PLEKHG2: variants seen among roughly 807,000 people sequenced by gnomAD.
PLEKHG2 encodes pleckstrin homology domain-containing family G member 2.
In PLEKHG2, 71 loss-of-function variants were observed where a neutral mutation model predicts 104.4. That is an observed-to-expected ratio of 0.68 (90% CI 0.56 to 0.83). The LOEUF is 0.83. Among genes scored for constraint, PLEKHG2 ranks in the 40% least tolerant of loss-of-function variants. The pLI, the probability that PLEKHG2 is intolerant of heterozygous loss-of-function variation, is 0.00. For synonymous variants in PLEKHG2, 728 were observed against 737.0 expected (o/e 0.99, Z 0.20); for missense variants, 1,730 against 1,809.4 (o/e 0.96, Z 0.80).
chr19:39,414,535 G>A (rs1024131805), intron 2 of PLEKHG2, among the ~76,000 whole-genome samples: 105 of 152,200 alleles, frequency 6.9e-4, no homozygotes, highest in African/African-American at 2.3e-3. Context: ...AAGGCCCAGC[G>A]GTGAGAAAAG....
chr19:39,421,623 G>T, intron 16 of PLEKHG2: 3 of 431,972 alleles, frequency 6.9e-6, no homozygotes, highest in Admixed American at 3.5e-5. Context: ...GGGAGGCAGA[G>T]GTTGCAAAAT....
chr19:39,416,879 T>C lies in PLEKHG2; in HGVS notation c.623T>C (p.Leu208Ser), dbSNP rs560365003. Residue 208 changes from leucine to serine, a missense_variant, in exon 7 of 19, where the codon TTG becomes TCG. By Grantham distance (145) the Leu-to-Ser change is moderately radical (BLOSUM62 -2). Transcript: ENST00000425673. This position sits in a 1 kb window ranked among gnomAD's most constrained non-coding sequence, Gnocchi z 4.5. ...CTGGCCCTGCTCCGGGAGCTGTCGT[T>C]GTCTCCGCCAGCAGCCCTGTGGCTG... ...SSLALLRELS[L>S]SPPAALWLQE... is the part of the protein sequence containing the mutation. 6.2e-7 allele frequency: 1 copy of C among 1,611,336 alleles called. No individual in the cohort carries two copies. Among genetic ancestry groups the C allele is most frequent in the Non-Finnish European group, 8.5e-7 (1 of 1,179,122 alleles).
In PLEKHG2 at chr19:39,418,002, G is replaced by T; in HGVS notation, c.980G>T (p.Gly327Val). The T allele has an allele frequency of 6.4e-7, 1 of 1,555,984 alleles. No homozygotes were observed. Residue 327 changes from glycine (G) to valine (V), a missense_variant, in exon 9 of 19, where the codon GGC becomes GTC. Transcript: ENST00000425673. ...EGAFRGGGGG[G>V]PRLRGGERLL... ...GCGTTCCGAGGAGGCGGAGGGGGTG[G>T]CCCCCGGCTACGAGGGGGTGAGCGG... is the stretch of plus-strand genomic sequence containing the variant.
chr19:39,419,361 G>A (rs2078660688), intron 11 of PLEKHG2, among the ~76,000 whole-genome samples: 1 of 151,938 alleles, frequency 6.6e-6, no homozygotes. Context: ...CTTCGAGGGG[G>A]TGATGTGGGA....
At chr19:39,419,794 G>A (rs1307947807) in intron 11 of PLEKHG2, among the ~76,000 whole-genome samples, 4 of 151,580 alleles carry the variant, frequency 2.6e-5, no homozygotes, top group Non-Finnish European at 2.9e-5. Flanking sequence ...GGAGAATGGC[G>A]TGAACCCAGG....
chr19:39,423,435 CGGATCTGGGT>C lies in PLEKHG2; in HGVS notation c.2385_2394del (p.Asp795GlufsTer87). ...GAGCCACTGCTGATCCTGGAGGATT[CGGATCTGGGT>C]GGAGACAGCGGGAGCGGGAAGGCAG... On this transcript the variant is annotated frameshift_variant, in exon 18 of 19. Coordinates refer to ENST00000425673, the MANE Select transcript of PLEKHG2 (RefSeq NM_022835.3). LOFTEE classifies it high-confidence loss of function. The C allele has an allele frequency of 6.2e-7, 1 of 1,610,200 alleles. No individual in the cohort carries two copies. Among genetic ancestry groups the C allele is most frequent in the Non-Finnish European group, 8.5e-7 (1 of 1,177,998 alleles).
chr19:39,416,945 A>G lies in PLEKHG2; in HGVS notation c.689A>G (p.Gln230Arg), dbSNP rs755643807. 25 of 1,613,312 alleles carry G rather than the reference A, an allele frequency of 1.5e-5. No individual in the cohort carries two copies. The highest frequency in any genetic ancestry group is 1.9e-5 in the Non-Finnish European group (23 of 1,179,934). The change falls in exon 7 of 19, where the codon CAG becomes CGG. Residue 230 changes from glutamine (Q) to arginine (R), a missense_variant. Physicochemically the swap from Gln to Arg is conservative, Grantham distance 43. Coordinates refer to ENST00000425673, the MANE Select transcript of PLEKHG2 (RefSeq NM_022835.3). This position sits in a 1 kb window ranked among gnomAD's most constrained non-coding sequence, Gnocchi z 4.5. Reference protein sequence around the residue: ...QAQLRHSLPLQSFLLKPVQRI... With the variant: ...QAQLRHSLPLRSFLLKPVQRI... ...CAGCTTCGCCACTCGCTGCCCCTGC[A>G]GAGCTTCCTGCTGAAACCTGTCCAG...
chr19:39,420,829 T>C lies in PLEKHG2; in HGVS notation c.1376T>C (p.Phe459Ser). The C allele has an allele frequency of 2.5e-6, 4 of 1,614,138 alleles. No homozygotes were observed. The South Asian group carries it at 3.3e-5, about 13-fold the overall frequency. Residue 459 changes from phenylalanine to serine, a missense_variant, in exon 13 of 19, where the codon TTT becomes TCT. Transcript: ENST00000425673. ...GSPRPRDARS[F>S]TPGRRNTAPS... Reference sequence around the variant, plus strand: ...CCTCGACCTCGAGATGCTAGAAGTTTTACCCCTGGGCGAAGGAACACAGGT... The same window carrying C: ...CCTCGACCTCGAGATGCTAGAAGTTCTACCCCTGGGCGAAGGAACACAGGT...
chr19:39,414,428 G>A (rs897637878), intron 2 of PLEKHG2, among the ~76,000 whole-genome samples: 4 of 152,256 alleles, frequency 2.6e-5, no homozygotes, highest in African/African-American at 9.6e-5. Context: ...AAGGTTCCTG[G>A]AGGTGGGAAC....
rs745784372 is a variant in PLEKHG2 at position 39,422,278 on chromosome 19, G to A, written c.1667G>A (p.Arg556Gln). 13 of 1,610,966 alleles carry A rather than the reference G, an allele frequency of 8.1e-6. No individual in the cohort carries two copies. The highest frequency in any genetic ancestry group is 1.7e-4 in the Middle Eastern group (1 of 6,056). ...GAACTGCTGAATCAGCGAGGCCTTCGAGATCCAGGGGTGAGCTGGCTGTCC... is the reference window on the plus strand; with the variant it reads ...GAACTGCTGAATCAGCGAGGCCTTCAAGATCCAGGGGTGAGCTGGCTGTCC... ...ILELLNQRGL[R>Q]DPGPSTHDIP... is the part of the protein sequence containing the mutation. The change falls in exon 17 of 19, where the codon CGA becomes CAA. Residue 556 changes from arginine (R) to glutamine (Q), a missense_variant. Arg to Gln is a conservative substitution (Grantham distance 43). Transcript: ENST00000425673.
At position 39,416,746 on chromosome 19, in the gene PLEKHG2, C is replaced by T. The variant is rs1484168965; in HGVS notation, c.594-104C>T. ...CTGACCTCTCCCTCACTGCCCCGCC[C>T]CCTGTCAGACCCTGACCCTTCCCAA... On this transcript the variant is annotated intron_variant, in intron 6 of 18. Coordinates refer to ENST00000425673, the MANE Select transcript of PLEKHG2 (RefSeq NM_022835.3). This position sits in a 1 kb window ranked among gnomAD's most constrained non-coding sequence, Gnocchi z 4.5. 6.8e-7 allele frequency: 1 copy of T among 1,468,638 alleles called. No individual in the cohort carries two copies. The highest frequency in any genetic ancestry group is 1.3e-5 in the South Asian group (1 of 79,566). 91.0% of individuals were successfully genotyped at this position (1,468,638 alleles called of 1,614,324 possible).
At chr19:39,417,335 T>A (rs939257075) in intron 7 of PLEKHG2, among the ~76,000 whole-genome samples, 1 of 151,492 alleles carries the variant, frequency 6.6e-6, no homozygotes, top group African/African-American at 2.4e-5. Flanking sequence ...GTATTTTTAA[T>A]AGGGACGGGG....
chr19:39,419,892 G>A (rs1419612088), intron 11 of PLEKHG2, among the ~76,000 whole-genome samples: 2 of 95,096 alleles, frequency 2.1e-5, no homozygotes, highest in African/African-American at 9.7e-5. Context: ...AAAAAAAAAA[G>A]AAAAAGAAAA....
chr19:39,421,343 G>C (rs760600564), intron 16 of PLEKHG2, 44 bp downstream of exon 16: 6 of 1,596,980 alleles, frequency 3.8e-6, no homozygotes, highest in Non-Finnish European at 5.1e-6. Context: ...TTGACTTCTG[G>C]GTCTGATGGA....
intron 2 of PLEKHG2, 150 bp downstream of exon 2, chr19:39,414,345 GC>G: frequency 1.3e-6 from 1 of 752,814 alleles, no homozygotes; most frequent in Non-Finnish European, 2.2e-6. Context: ...GCAATGACAG[GC>G]CAGAGGGGGC....
Position 39,424,092 on chromosome 19 carries a change from C to T in PLEKHG2, c.2959C>T (p.Pro987Ser). 1 of 1,614,072 alleles carries T rather than the reference C, an allele frequency of 6.2e-7. No homozygotes were observed. The highest frequency in any genetic ancestry group is 8.5e-7 in the Non-Finnish European group (1 of 1,179,964). Residue 987 changes from proline to serine, a missense_variant, in exon 19 of 19, where the codon CCT becomes TCT. Pro to Ser is a moderately conservative substitution (Grantham distance 74). Coordinates refer to ENST00000425673, the MANE Select transcript of PLEKHG2 (RefSeq NM_022835.3). ...HPEIQVPATT[P>S]LPEHRSHMVI... Reference sequence around the variant, plus strand: ...AGAAATCCAAGTTCCAGCCACCACTCCTTTGCCTGAGCATAGAAGTCACAT... The same window carrying T: ...AGAAATCCAAGTTCCAGCCACCACTTCTTTGCCTGAGCATAGAAGTCACAT...
In PLEKHG2 at chr19:39,424,454, A is replaced by C. The variant is rs943178258; in HGVS notation, c.3321A>C (p.Pro1107=). The C allele has an allele frequency of 4.3e-6, 7 of 1,613,918 alleles. No individual in the cohort carries two copies. The Admixed American group carries it at 8.3e-5, about 19-fold the overall frequency. ...GTCACCTCCCAGACCTTCAGATTCCAGGTACCTCACCTTTGCCTGCACATG... is the reference window on the plus strand; with the variant it reads ...GTCACCTCCCAGACCTTCAGATTCCCGGTACCTCACCTTTGCCTGCACATG... ...LPCHLPDLQI[P]GTSPLPAHGS... Residue 1107 remains proline, a synonymous_variant, in exon 19 of 19, where the codon CCA becomes CCC. Coordinates refer to ENST00000425673, the MANE Select transcript of PLEKHG2 (RefSeq NM_022835.3).
chr19:39,418,594 A>G (rs968312850), intron 9 of PLEKHG2, 140 bp from the exon 10 acceptor site: 38 of 616,320 alleles, frequency 6.2e-5, no homozygotes, highest in Non-Finnish European at 1.0e-4. Flanking sequence ...AAAAAAAGGG[A>G]GAGGAAACCC....
Position 39,423,826 on chromosome 19 carries a change from G to A in PLEKHG2, c.2693G>A (p.Trp898Ter). 6.2e-7 allele frequency: 1 copy of A among 1,614,186 alleles called. No homozygotes were observed. Among genetic ancestry groups the A allele is most frequent in the Non-Finnish European group, 8.5e-7 (1 of 1,180,032 alleles). Residue 898 changes from tryptophan to a stop codon, truncating the protein, a stop_gained, in exon 19 of 19, where the codon TGG (tryptophan) becomes TAG (stop). Coordinates refer to ENST00000425673, the MANE Select transcript of PLEKHG2 (RefSeq NM_022835.3). LOFTEE classifies it low-confidence loss of function (END_TRUNC). ...QESVPLGPAV[W>*]VQAAIPLSKQ... The stretch of plus-strand genomic sequence containing the variant: ...TCTGTCCCCCTGGGTCCTGCTGTCT[G>A]GGTTCAAGCTGCCATACCTTTGTCA...
Sources: gnomAD v4.1 joint callset for allele counts (sites outside exome capture counted in the v4.1 genomes callset) on GRCh38, gnomAD v4.1.1 for gene constraint, Gnocchi (gnomAD v3.1) non-coding constraint, MANE v1.5 for transcripts, NCBI Gene and HGNC (gene_info 2026-07-23, HGNC 2026-07-21) for gene names.